The following MAP2 variants were observed in gnomAD, a reference collection of about 807,000 sequenced individuals.
MAP2 encodes microtubule-associated protein 2.
Under a neutral mutation model 137.6 loss-of-function variants are expected in MAP2, and 14 were observed. The ratio of observed to expected loss-of-function variants is 0.10; its 90% CI spans 0.07 to 0.16. MAP2 has a LOEUF of 0.16. Among genes scored for constraint, MAP2 ranks in the 10% least tolerant of loss-of-function variants. MAP2 has a pLI of 1.00. For synonymous variants in MAP2, 786 were observed against 782.3 expected, an observed-to-expected ratio of 1.00 and a Z score of -0.08; for missense variants, 2,088 against 2,191.5, an observed-to-expected ratio of 0.95 and a Z score of 0.94.
At chr2:209,623,303 A>T (rs879457597) in intron 3 of MAP2, among the ~76,000 whole-genome samples, 3 of 152,118 alleles carry the variant, frequency 2.0e-5, no homozygotes, top group Non-Finnish European at 1.5e-5. Flanking sequence ...CAGCAGCAGG[A>T]TGGTTCTGAC....
chr2:209,485,039 A>G (rs1431605087), intron 1 of MAP2, among the ~76,000 whole-genome samples: 2 of 152,230 alleles, frequency 1.3e-5, no homozygotes, highest in African/African-American at 4.8e-5. Flanking sequence ...GCTGCTCATT[A>G]CAGACAGGGA....
At chr2:209,610,507 C>T (rs1020605165) in intron 3 of MAP2, among the ~76,000 whole-genome samples, 33 of 151,402 alleles carry the variant, frequency 2.2e-4, no homozygotes, top group Non-Finnish European at 4.1e-4. Flanking sequence ...CTGGATGATA[C>T]GTTATCTTTT....
intron 3 of MAP2, among the ~76,000 whole-genome samples, chr2:209,614,737 G>T (rs954802799): frequency 6.6e-6 from 1 of 152,128 alleles, no homozygotes; most frequent in Non-Finnish European, 1.5e-5. Flanking sequence ...AGGAAGAAAA[G>T]ATATTTCACA....
At chr2:209,556,540 A>G (rs116799967) in intron 2 of MAP2, among the ~76,000 whole-genome samples, 6,694 of 152,232 alleles carry the variant, frequency 0.044, 198 homozygotes, top group African/African-American at 0.082. Context: ...AGTAAGTGCT[A>G]CAACTCTGCC....
chr2:209,557,290 C>T (rs926134677), intron 2 of MAP2, among the ~76,000 whole-genome samples: 1 of 152,200 alleles, frequency 6.6e-6, no homozygotes, highest in African/African-American at 2.4e-5. Flanking sequence ...ACTGAGAAGA[C>T]TAAACTTTAG....
At chr2:209,555,266 C>G (rs1315147543) in intron 2 of MAP2, among the ~76,000 whole-genome samples, 1 of 152,124 alleles carries the variant, frequency 6.6e-6, no homozygotes, top group Non-Finnish European at 1.5e-5. Flanking sequence ...AATTTATCTG[C>G]TAAACAAGGA....
chr2:209,515,247 TA>T (rs1260754917), intron 2 of MAP2, among the ~76,000 whole-genome samples: 1 of 152,130 alleles, frequency 6.6e-6, no homozygotes, highest in Non-Finnish European at 1.5e-5. Context: ...CTCATTTATC[TA>T]AAGTTTTATA....
At chr2:209,437,906 G>C (rs1696745765) in intron 1 of MAP2, among the ~76,000 whole-genome samples, 1 of 151,624 alleles carries the variant, frequency 6.6e-6, no homozygotes, top group Non-Finnish European at 1.5e-5. Flanking sequence ...TAGAGTCACA[G>C]AGAATTAGAA....
chr2:209,664,608 A>G (rs941916691), intron 5 of MAP2, among the ~76,000 whole-genome samples: 2 of 152,138 alleles, frequency 1.3e-5, no homozygotes, highest in Non-Finnish European at 2.9e-5. Flanking sequence ...TGGAAATCAC[A>G]TAAACAAAAT....
chr2:209,525,320 C>T (rs887600055), intron 2 of MAP2, among the ~76,000 whole-genome samples: 7 of 151,886 alleles, frequency 4.6e-5, no homozygotes, highest in Non-Finnish European at 8.8e-5. Flanking sequence ...TTAGAAATGA[C>T]GTCTTCTAAT....
chr2:209,561,296 G>A (rs952176109), intron 2 of MAP2, among the ~76,000 whole-genome samples: 3 of 152,332 alleles, frequency 2.0e-5, no homozygotes, highest in African/African-American at 7.2e-5. Context: ...TGGCAAAGAA[G>A]GTGATTGGGT....
intron 1 of MAP2, among the ~76,000 whole-genome samples, chr2:209,494,773 C>G (rs1280229133): frequency 5.3e-5 from 8 of 152,124 alleles, no homozygotes; most frequent in African/African-American, 1.7e-4. Context: ...AAGTTTTTGT[C>G]CCACTGAAAA....
intron 5 of MAP2, among the ~76,000 whole-genome samples, chr2:209,654,236 G>A (rs192266353): frequency 9.2e-5 from 14 of 152,304 alleles, no homozygotes; most frequent in African/African-American, 2.9e-4. Flanking sequence ...ATAGTTTACA[G>A]TTTCAACATT....
At chr2:209,548,714 G>C (rs1012571308) in intron 2 of MAP2, among the ~76,000 whole-genome samples, 1 of 152,152 alleles carries the variant, frequency 6.6e-6, no homozygotes, top group Non-Finnish European at 1.5e-5. Context: ...GAATCACGGG[G>C]TGGTTTCTCC....
intron 9 of MAP2, 29 bp from the exon 10 acceptor site, chr2:209,696,888 G>GTA (rs768527722): frequency 1.3e-6 from 2 of 1,580,862 alleles, no homozygotes; most frequent in Non-Finnish European, 1.7e-6. Context: ...TTTCCTGATG[G>GTA]TATGCTTTTT....
intron 1 of MAP2, among the ~76,000 whole-genome samples, chr2:209,466,069 G>A (rs1474360149): frequency 6.6e-6 from 1 of 152,140 alleles, no homozygotes; most frequent in African/African-American, 2.4e-5. Flanking sequence ...CAAACATTGA[G>A]CGGGCTGGTT....
At chr2:209,573,296 C>CT (rs1559336081) in intron 2 of MAP2, among the ~76,000 whole-genome samples, 7 of 127,376 alleles carry the variant, frequency 5.5e-5, no homozygotes, top group African/African-American at 9.7e-5. Flanking sequence ...TTTTCTTTTT[C>CT]TGTTTTTTTT....
chr2:209,587,501 C>T (rs2078069329), intron 3 of MAP2, among the ~76,000 whole-genome samples: 1 of 152,032 alleles, frequency 6.6e-6, no homozygotes, highest in Non-Finnish European at 1.5e-5. Context: ...TCAGAGTGTT[C>T]AGAGGAGCCA....
chr2:209,733,493 C>CACACACACACACACACACA lies in MAP2; in HGVS notation c.*3096_*3097insACACACACACACACACACA, dbSNP rs1559700002. ...ACACACACACACACACACACACACA[C>CACACACACACACACACACA]CTACAGTAATACAGCAAGCGTGGAA... On this transcript the variant is annotated 3_prime_UTR_variant, in exon 16 of 16. Coordinates refer to ENST00000682079, the MANE Select transcript of MAP2 (RefSeq NM_001375505.1). 1 of 150,436 alleles carries CACACACACACACACACACA rather than the reference C, an allele frequency of 6.6e-6. No homozygotes were observed. Among genetic ancestry groups the CACACACACACACACACACA allele is most frequent in the African/African-American group, 2.5e-5 (1 of 40,796 alleles). The allele number at this position is 150,436 out of a possible 1,614,324, so 9.3% of individuals were successfully genotyped here.
Sources: allele counts gnomAD v4.1 joint callset (sites outside exome capture counted in the v4.1 genomes callset), GRCh38; gene constraint gnomAD v4.1.1; transcripts MANE v1.5; gene names NCBI Gene and HGNC (gene_info 2026-07-23, HGNC 2026-07-21).